HNF4G: variants seen among roughly 807,000 people sequenced by gnomAD.
HNF4G encodes hepatocyte nuclear factor 4 gamma.
In HNF4G, 21 loss-of-function variants were observed where a neutral mutation model predicts 50.9. The observed-to-expected ratio is 0.41, with a 90% CI of 0.29 to 0.59. The LOEUF (loss-of-function observed/expected upper bound fraction) is 0.59. Ranked by LOEUF, HNF4G falls within the 20% of genes least tolerant of loss-of-function variation. HNF4G has a pLI of 0.26. For synonymous variants in HNF4G, 198 were observed against 185.6 expected (o/e 1.07, Z -0.54); for missense variants, 527 against 559.4 (o/e 0.94, Z 0.58).
chr8:75,511,841 G>A (rs904416614), intron 2 of HNF4G, among the ~76,000 whole-genome samples: 7 of 152,182 alleles, frequency 4.6e-5, no homozygotes, highest in African/African-American at 1.7e-4. Context: ...GCCTCCCAGA[G>A]TGCTGGGATT....
intron 2 of HNF4G, among the ~76,000 whole-genome samples, chr8:75,533,065 A>T (rs1419345414): frequency 6.6e-6 from 1 of 152,050 alleles, no homozygotes; most frequent in East Asian, 1.9e-4. Flanking sequence ...CCCAGTCACT[A>T]GAAAAGCATT....
At chr8:75,556,824 T>C (rs1255474724) in intron 6 of HNF4G, among the ~76,000 whole-genome samples, 2 of 152,172 alleles carry the variant, frequency 1.3e-5, no homozygotes, top group African/African-American at 2.4e-5. Context: ...TATAACAATA[T>C]TTAATATTAT....
chr8:75,421,752 A>G (rs1419887553), intron 1 of HNF4G, among the ~76,000 whole-genome samples: 1 of 152,136 alleles, frequency 6.6e-6, no homozygotes, highest in Non-Finnish European at 1.5e-5. Context: ...GGTGCCGAGC[A>G]CCTGCATTTG....
At chr8:75,425,799 C>T (rs1810879336) in intron 1 of HNF4G, among the ~76,000 whole-genome samples, 1 of 151,728 alleles carries the variant, frequency 6.6e-6, no homozygotes, top group East Asian at 1.9e-4. Context: ...AATCTACTGT[C>T]GATGGTTAAT....
At chr8:75,518,004 A>T (rs1172032989) in intron 2 of HNF4G, among the ~76,000 whole-genome samples, 2 of 151,096 alleles carry the variant, frequency 1.3e-5, no homozygotes, top group Non-Finnish European at 1.5e-5. Context: ...TATTATTATT[A>T]TACTTTAAGT....
intron 1 of HNF4G, among the ~76,000 whole-genome samples, chr8:75,466,418 G>A (rs1332365509): frequency 6.6e-6 from 1 of 151,406 alleles, no homozygotes; most frequent in African/African-American, 2.4e-5. Context: ...TACCTTCTAT[G>A]GCATTTTTTT....
intron 1 of HNF4G, among the ~76,000 whole-genome samples, chr8:75,468,565 G>A (rs1184262091): frequency 6.6e-6 from 1 of 151,970 alleles, no homozygotes; most frequent in Non-Finnish European, 1.5e-5. Context: ...GTGGTGGCAT[G>A]TGCCTGTAAT....
rs541826749 is a variant in HNF4G at position 75,511,829 on chromosome 8, C to A, written c.-24+21621C>A. On this transcript the variant is annotated intron_variant, in intron 2 of 10. Coordinates refer to the HNF4G transcript ENST00000354370. ...TCCTGACCTCGTGATCCACCCGCCTCGGCCTCCCAGAGTGCTGGGATTACA... is the reference window on the plus strand; with the variant it reads ...TCCTGACCTCGTGATCCACCCGCCTAGGCCTCCCAGAGTGCTGGGATTACA... Among the ~76,000 whole-genome samples the A allele has an allele frequency of 4.0e-4, 61 of 152,316 alleles. 2 individuals are homozygous for A. In the South Asian group the frequency reaches 0.012, roughly 31 times the overall value.
upstream of HNF4G, among the ~76,000 whole-genome samples, chr8:75,538,354 T>C (rs1159894893): frequency 6.6e-6 from 1 of 152,168 alleles, no homozygotes; most frequent in African/African-American, 2.4e-5. Context: ...TATGACAGCA[T>C]TGTTCTCCTG....
chr8:75,440,318 T>C (rs1288749693), intron 1 of HNF4G, among the ~76,000 whole-genome samples: 1 of 152,212 alleles, frequency 6.6e-6, no homozygotes. Flanking sequence ...ATGCTGTCAT[T>C]GAAAAGTGGG....
At chr8:75,442,428 G>T (rs1352181968) in intron 1 of HNF4G, among the ~76,000 whole-genome samples, 3 of 151,874 alleles carry the variant, frequency 2.0e-5, no homozygotes, top group Non-Finnish European at 2.9e-5. Context: ...CATGTGAATG[G>T]CCCAGCGCAA....
intron 2 of HNF4G, among the ~76,000 whole-genome samples, chr8:75,506,107 T>C (rs932327409): frequency 6.6e-6 from 1 of 152,002 alleles, no homozygotes; most frequent in Non-Finnish European, 1.5e-5. Context: ...ATTAGGCATA[T>C]ATTAGAGAGA....
At chr8:75,524,907 G>A (rs1284193686) in intron 2 of HNF4G, among the ~76,000 whole-genome samples, 1 of 152,102 alleles carries the variant, frequency 6.6e-6, no homozygotes, top group African/African-American at 2.4e-5. Flanking sequence ...AATTATAAAG[G>A]CAAACTTTTA....
intron 2 of HNF4G, among the ~76,000 whole-genome samples, chr8:75,519,179 A>G (rs985724014): frequency 6.6e-6 from 1 of 152,180 alleles, no homozygotes; most frequent in Non-Finnish European, 1.5e-5. Flanking sequence ...AAGCCTAACA[A>G]GAGTCACCTT....
At chr8:75,546,906 A>G (rs1012110971) in intron 2 of HNF4G, among the ~76,000 whole-genome samples, 1 of 152,176 alleles carries the variant, frequency 6.6e-6, no homozygotes, top group Non-Finnish European at 1.5e-5. Context: ...TCGCTGGGTT[A>G]TACTATAACT....
chr8:75,468,617 C>A (rs1434828346), intron 1 of HNF4G, among the ~76,000 whole-genome samples: 1 of 151,994 alleles, frequency 6.6e-6, no homozygotes, highest in African/African-American at 2.4e-5. Context: ...TCACTTGAAT[C>A]TGGGAGGCAG....
intron 2 of HNF4G, among the ~76,000 whole-genome samples, chr8:75,502,580 A>G (rs1257557855): frequency 6.6e-6 from 1 of 152,220 alleles, no homozygotes; most frequent in Non-Finnish European, 1.5e-5. Context: ...CAAATAATTA[A>G]AGAAGCACAA....
At chr8:75,559,079 C>A in intron 8 of HNF4G, 42 bp downstream of exon 8, 1 of 1,225,194 alleles carries the variant, frequency 8.2e-7, no homozygotes, top group Non-Finnish European at 1.2e-6. Flanking sequence ...ATTAGAATCA[C>A]ACTAAATATA....
intron 2 of HNF4G, among the ~76,000 whole-genome samples, chr8:75,515,073 T>C (rs1321951591): frequency 1.3e-5 from 2 of 152,200 alleles, no homozygotes; most frequent in East Asian, 3.9e-4. Context: ...GTTATTTTAG[T>C]TCATGCTCAA....
Sources: allele counts gnomAD v4.1 joint callset (sites outside exome capture counted in the v4.1 genomes callset), GRCh38; gene constraint gnomAD v4.1.1; transcripts MANE v1.5; gene names NCBI Gene and HGNC (gene_info 2026-07-23, HGNC 2026-07-21).